The following FGF13 variants were observed in gnomAD, a reference collection of about 807,000 sequenced individuals.
FGF13 encodes fibroblast growth factor homologous factor 2.
In FGF13, 2 loss-of-function variants were observed where a neutral mutation model predicts 19.5. The ratio of observed to expected loss-of-function variants is 0.10; its 90% confidence interval spans 0.04 to 0.32. The LOEUF (loss-of-function observed/expected upper bound fraction) is 0.32, where lower values mean the gene tolerates loss of function less well. FGF13 is among the 10% of genes least tolerant of loss of function. The pLI is 1.00. For synonymous variants in FGF13, 72 were observed against 76.9 expected (o/e 0.94, Z 0.33); for missense variants, 113 against 192.7 (o/e 0.59, Z 2.45).
rs1166724497 is a variant in FGF13 at position 138,845,744 on chromosome X, A to G, written c.217+11768T>C. ...TTAACCAATTATCCACTAAGTGAAC[A>G]GCTTACCATGTATGCCAATTAGAGA... is the stretch of plus-strand genomic sequence containing the variant. On this transcript the variant is annotated intron_variant, in intron 3 of 6. Transcript: ENST00000436198. Among the ~76,000 whole-genome samples, 3 of 111,835 alleles carry G rather than the reference A, an allele frequency of 2.7e-5. No individual in the cohort carries two copies. The East Asian group carries it at 8.5e-4, about 32-fold the overall frequency.
chrX:138,771,397 T>C (rs977126), intron 3 of FGF13, among the ~76,000 whole-genome samples: 33,222 of 110,900 alleles, frequency 0.3, 3,734 homozygotes, highest in East Asian at 0.5. Context: ...GGTGCCAATT[T>C]AAATTTGAAT....
intron 1 of FGF13, among the ~76,000 whole-genome samples, chrX:139,062,453 TTATAG>T (rs1372487477): frequency 8.9e-6 from 1 of 111,934 alleles, no homozygotes; most frequent in Non-Finnish European, 1.9e-5. Flanking sequence ...TACTGTAACT[TTATAG>T]TATATTTTGA....
At chrX:139,135,686 C>G (rs2148236077) in intron 1 of FGF13, among the ~76,000 whole-genome samples, 1 of 111,332 alleles carries the variant, frequency 9.0e-6, no homozygotes, top group East Asian at 2.9e-4. Flanking sequence ...CTCTATGTGC[C>G]ATGTTTCTGC....
At chrX:139,005,194 C>T (rs1603118820) in intron 1 of FGF13, among the ~76,000 whole-genome samples, 1 of 1,383 alleles carries the variant, frequency 7.2e-4, no homozygotes, top group Admixed American at 5.3e-3. Flanking sequence ...TGTGTCACTG[C>T]CCCCCCCCCC....
intron 1 of FGF13, among the ~76,000 whole-genome samples, chrX:138,888,878 T>G (rs1405222591): frequency 8.9e-6 from 1 of 111,791 alleles, no homozygotes; most frequent in African/African-American, 3.3e-5. Context: ...AATGCCATCA[T>G]TCTTCTGATA....
At chrX:138,950,892 A>G (rs768034454) in intron 1 of FGF13, among the ~76,000 whole-genome samples, 1 of 111,243 alleles carries the variant, frequency 9.0e-6, no homozygotes, top group East Asian at 2.9e-4. Flanking sequence ...AACCCTTCCT[A>G]TATTTGCTTC....
Position 139,167,744 on chromosome X carries a change from T to G in FGF13, c.-113+35672A>C, listed in dbSNP as rs770202714. 1.2e-4 allele frequency among the ~76,000 whole-genome samples: 14 copies of G among 112,225 alleles called. No homozygotes were observed. In the South Asian group the frequency reaches 5.2e-3, roughly 42 times the overall value. ...GATTCAGAAATAAATATGGCATCAT[T>G]CATCAGCCCACAAAGTCAGACACAT... On this transcript the variant is annotated intron_variant, in intron 1 of 2. Transcript: ENST00000421460.
At chrX:139,197,602 T>C (rs1482112563) in intron 1 of FGF13, among the ~76,000 whole-genome samples, 2 of 111,766 alleles carry the variant, frequency 1.8e-5, no homozygotes, top group Non-Finnish European at 3.8e-5. Context: ...CAAGAAGGGT[T>C]ATCAACAGGG....
chrX:138,666,006 C>A (rs1274528010), intron 3 of FGF13, among the ~76,000 whole-genome samples: 1 of 111,315 alleles, frequency 9.0e-6, no homozygotes, highest in Admixed American at 9.6e-5. Flanking sequence ...CCAGTGTTTT[C>A]AAAAATTTTA....
rs2124058687 is a variant in FGF13 at position 138,615,588 on chromosome X, A to C, written c.*17262T>G. On this transcript the variant is annotated 3_prime_UTR_variant, in exon 5 of 5. Transcript: ENST00000315930. Reference sequence around the variant, plus strand: ...CATGGCAGGAAAAAAAAATTGTTTCAGATGTATTATTTTCTGGTACCATAG... The same window carrying C: ...CATGGCAGGAAAAAAAAATTGTTTCCGATGTATTATTTTCTGGTACCATAG... 9.0e-6 allele frequency: 1 copy of C among 111,401 alleles called. No homozygotes were observed. Among genetic ancestry groups the C allele is most frequent in the Admixed American group, 9.6e-5 (1 of 10,444 alleles). The allele number at this position is 111,401 out of a possible 1,213,427, so 9.2% of individuals were successfully genotyped here.
At chrX:139,005,135 T>G in intron 1 of FGF13, among the ~76,000 whole-genome samples, 1 of 104,985 alleles carries the variant, frequency 9.5e-6, no homozygotes, top group Non-Finnish European at 1.9e-5. Context: ...CTGTGCTGGC[T>G]TTAGGTCTAA....
At chrX:139,129,674 G>A (rs776088844) in intron 1 of FGF13, among the ~76,000 whole-genome samples, 2 of 111,157 alleles carry the variant, frequency 1.8e-5, no homozygotes, top group African/African-American at 6.5e-5. Context: ...TGATGAGTTC[G>A]AGCTCCCAAG....
chrX:138,908,357 G>A (rs1318455863), intron 1 of FGF13, among the ~76,000 whole-genome samples: 7 of 106,832 alleles, frequency 6.6e-5, no homozygotes, highest in South Asian at 4.3e-4. Context: ...GATTACAGGC[G>A]TGAGCCACCG....
chrX:138,922,158 C>CAAA (rs67444028), intron 1 of FGF13, among the ~76,000 whole-genome samples: 1 of 105,676 alleles, frequency 9.5e-6, no homozygotes, highest in South Asian at 4.3e-4. Flanking sequence ...TATTTTCTCA[C>CAAA]ACAAAAAAAA....
intron 3 of FGF13, 141 bp downstream of exon 3, chrX:138,702,841 ATC>A (rs1444902859): frequency 2.2e-6 from 1 of 457,960 alleles, no homozygotes. Context: ...CAGAAAGTTA[ATC>A]TGTCCTTTCA....
At chrX:139,162,224 C>G (rs1323702064) in intron 1 of FGF13, among the ~76,000 whole-genome samples, 5 of 111,665 alleles carry the variant, frequency 4.5e-5, no homozygotes, top group Admixed American at 2.9e-4. Context: ...GAACAGAACA[C>G]AGCCTCAGAA....
chrX:138,670,143 C>T (rs1395751939), intron 3 of FGF13, among the ~76,000 whole-genome samples: 2 of 111,784 alleles, frequency 1.8e-5, no homozygotes, highest in Non-Finnish European at 3.8e-5. Flanking sequence ...TAGTCCTATC[C>T]GTTAATAAGC....
intron 1 of FGF13, among the ~76,000 whole-genome samples, chrX:139,160,500 C>G (rs751136195): frequency 2.7e-5 from 3 of 110,959 alleles, no homozygotes; most frequent in Non-Finnish European, 3.8e-5. Context: ...CAGAGCAGAA[C>G]TGAAGGAGAT....
intron 1 of FGF13, among the ~76,000 whole-genome samples, chrX:138,874,134 C>T (rs2091374291): frequency 9.8e-6 from 1 of 101,776 alleles, no homozygotes; most frequent in Non-Finnish European, 2.0e-5. Context: ...GCACACATAC[C>T]CTAGAACTTA....
Sources: allele counts gnomAD v4.1 joint callset (sites outside exome capture counted in the v4.1 genomes callset), GRCh38; gene constraint gnomAD v4.1.1; transcripts MANE v1.5; gene names NCBI Gene and HGNC (gene_info 2026-07-23, HGNC 2026-07-21).